CNIH3: variants seen among roughly 807,000 people sequenced by gnomAD.
The protein encoded by CNIH3 is cornichon family AMPA receptor auxiliary protein 3.
Under a neutral mutation model 24.1 loss-of-function variants are expected in CNIH3, and 14 were observed. That is an observed-to-expected ratio of 0.58 (90% CI 0.38 to 0.91). The LOEUF is 0.91. Ranked by LOEUF, CNIH3 falls within the 40% of genes least tolerant of loss-of-function variation. The pLI is 0.00. For missense variants in CNIH3, 178 were observed against 196.8 expected (o/e 0.90, Z 0.57); for synonymous variants, 68 against 73.8 (o/e 0.92, Z 0.40).
At chr1:224,733,208 A>T (rs146416570) in intron 4 of CNIH3, among the ~76,000 whole-genome samples, 1 of 152,194 alleles carries the variant, frequency 6.6e-6, no homozygotes, top group Non-Finnish European at 1.5e-5. Context: ...GCAGTGGGCA[A>T]TTCCATCCCC....
At chr1:224,662,472 GCTGGGT>G (rs2125119092) in intron 1 of CNIH3, among the ~76,000 whole-genome samples, 1 of 152,180 alleles carries the variant, frequency 6.6e-6, no homozygotes, top group African/African-American at 2.4e-5. Flanking sequence ...TTTTGTTTTG[GCTGGGT>G]TTATAGTTTT....
intron 1 of CNIH3, among the ~76,000 whole-genome samples, chr1:224,636,983 G>T (rs1464507006): frequency 7.1e-6 from 1 of 141,198 alleles, no homozygotes; most frequent in East Asian, 2.0e-4. Context: ...ATGGAGTCTC[G>T]CATGGTCACC....
chr1:224,617,280 T>C, intron 1 of CNIH3, 25 bp downstream of exon 1: 4 of 1,607,728 alleles, frequency 2.5e-6, no homozygotes, highest in Non-Finnish European at 3.4e-6. Context: ...TTGGTCTCTC[T>C]TCTTTCGCCC....
At chr1:224,467,505 C>A (rs1296821575) in intron 1 of CNIH3, among the ~76,000 whole-genome samples, 1 of 152,174 alleles carries the variant, frequency 6.6e-6, no homozygotes, top group Non-Finnish European at 1.5e-5. Context: ...CTCACTGCAA[C>A]CTCTGCCTCC....
At chr1:224,630,936 G>C (rs1403684326) in intron 1 of CNIH3, among the ~76,000 whole-genome samples, 1 of 152,072 alleles carries the variant, frequency 6.6e-6, no homozygotes, top group Non-Finnish European at 1.5e-5. Flanking sequence ...TGGGGCAGGC[G>C]GATCATGAGG....
At chr1:224,559,289 T>C (rs1680266226) in intron 3 of CNIH3, among the ~76,000 whole-genome samples, 1 of 152,240 alleles carries the variant, frequency 6.6e-6, no homozygotes. Flanking sequence ...TTTAAAAAAA[T>C]GATAAACATG....
Position 224,545,642 on chromosome 1 carries a change from G to A in CNIH3, n.340-1187G>A, listed in dbSNP as rs1679674368. Among the ~76,000 whole-genome samples, 3 of 152,280 alleles carry A rather than the reference G, an allele frequency of 2.0e-5. No individual in the cohort carries two copies. In the South Asian group the frequency reaches 6.2e-4, roughly 32 times the overall value. Reference sequence around the variant, plus strand: ...TAAGAACAAACATCATTAAGTTCTTGGCGGAGGAAGAAGGGGCACAGAGGA... The same window carrying A: ...TAAGAACAAACATCATTAAGTTCTTAGCGGAGGAAGAAGGGGCACAGAGGA... On this transcript the variant is annotated intron_variant and non_coding_transcript_variant, in intron 2 of 5. Coordinates refer to the CNIH3 transcript ENST00000471578.
intron 1 of CNIH3, among the ~76,000 whole-genome samples, chr1:224,476,736 T>G: frequency 6.6e-6 from 1 of 151,884 alleles, no homozygotes; most frequent in Non-Finnish European, 1.5e-5. Context: ...CCCAAAGCAA[T>G]CTACAGAGTC....
chr1:224,637,442 G>A (rs945249401), intron 1 of CNIH3, among the ~76,000 whole-genome samples: 27 of 151,380 alleles, frequency 1.8e-4, no homozygotes, highest in African/African-American at 6.6e-4. Context: ...CAAACAAGGG[G>A]CAAAACAGTT....
chr1:224,490,488 G>GT (rs2124844960), intron 1 of CNIH3, among the ~76,000 whole-genome samples: 1 of 152,308 alleles, frequency 6.6e-6, no homozygotes, highest in East Asian at 1.9e-4. Context: ...TGTTTTCACA[G>GT]TTTTTCTTTA....
At chr1:224,618,871 G>A (rs1355541239) in intron 1 of CNIH3, among the ~76,000 whole-genome samples, 2 of 152,208 alleles carry the variant, frequency 1.3e-5, no homozygotes, top group African/African-American at 4.8e-5. Flanking sequence ...ATTGAGGCTT[G>A]AAGTTGTTGA....
intron 1 of CNIH3, among the ~76,000 whole-genome samples, chr1:224,501,791 G>T (rs1005936286): frequency 6.6e-6 from 1 of 152,038 alleles, no homozygotes; most frequent in African/African-American, 2.4e-5. Context: ...GTGTTGCCCA[G>T]GCTGGTCTCA....
intron 2 of CNIH3, among the ~76,000 whole-genome samples, chr1:224,522,389 G>A (rs1467924825): frequency 6.6e-6 from 1 of 152,196 alleles, no homozygotes; most frequent in African/African-American, 2.4e-5. Context: ...AAATTGGGAA[G>A]GAGCTGGAGT....
rs182771819 is a variant in CNIH3 at position 224,606,234 on chromosome 1, G to A, written n.402+39970G>A. Among the ~76,000 whole-genome samples, 451 of 152,284 alleles carry A rather than the reference G, an allele frequency of 3.0e-3. 1 individual carries two copies. The highest frequency in any genetic ancestry group is 0.01 in the African/African-American group (428 of 41,546). ...TTAAGTGTTTAACAGCTCAGTGGAG[G>A]GTCAGGGTGACAGCATTTGTACCTG... On this transcript the variant is annotated intron_variant and non_coding_transcript_variant, in intron 3 of 7. Transcript: ENST00000478120.
chr1:224,502,660 AC>A (rs910286713), intron 1 of CNIH3, among the ~76,000 whole-genome samples: 36 of 148,492 alleles, frequency 2.4e-4, no homozygotes, highest in African/African-American at 7.0e-4. Flanking sequence ...TTACTGAGCA[AC>A]CCCCCTGCTT....
intron 1 of CNIH3, among the ~76,000 whole-genome samples, chr1:224,640,646 G>A (rs1193088344): frequency 1.3e-5 from 2 of 152,222 alleles, no homozygotes; most frequent in Non-Finnish European, 2.9e-5. Flanking sequence ...GTCTGTGCAG[G>A]CAGGGGCTGG....
At chr1:224,679,139 G>A (rs548277056) in intron 1 of CNIH3, among the ~76,000 whole-genome samples, 1 of 152,084 alleles carries the variant, frequency 6.6e-6, no homozygotes, top group Non-Finnish European at 1.5e-5. Context: ...TTAAAAACAT[G>A]AAACCCCATC....
In CNIH3 at chr1:224,554,287, T is replaced by A. The variant is rs147296152; in HGVS notation, n.450+7348T>A. Among the ~76,000 whole-genome samples the A allele has an allele frequency of 1.5e-4, 23 of 152,256 alleles. No homozygotes were observed. The East Asian group carries it at 4.3e-3, about 28-fold the overall frequency. On this transcript the variant is annotated intron_variant and non_coding_transcript_variant, in intron 3 of 5. Coordinates refer to the CNIH3 transcript ENST00000471578. ...ACCTGGGAAAGACATAAAAATGGAT[T>A]ACACAGTAAGGCCGTGGGGTGGGGT...
downstream of CNIH3, among the ~76,000 whole-genome samples, chr1:224,590,875 G>A (rs147305998): frequency 2.1e-3 from 315 of 150,642 alleles, no homozygotes; most frequent in African/African-American, 7.5e-3. Context: ...CCAGAGCCTG[G>A]TCACACTTCT....
Sources: gnomAD v4.1 joint callset for allele counts (sites outside exome capture counted in the v4.1 genomes callset) on GRCh38, gnomAD v4.1.1 for gene constraint, MANE v1.5 for transcripts, NCBI Gene and HGNC (gene_info 2026-07-23, HGNC 2026-07-21) for gene names.